The following LRRC37A variants were observed in gnomAD, a reference collection of about 807,000 sequenced individuals.
The protein encoded by LRRC37A is leucine-rich repeat-containing protein 37A.
Under a neutral mutation model 35.4 loss-of-function variants are expected in LRRC37A, and 3 were observed. The observed-to-expected ratio is 0.08, with a 90% CI of 0.04 to 0.22. LRRC37A has a LOEUF of 0.22. Among genes scored for constraint, LRRC37A ranks in the 10% least tolerant of loss-of-function variants. The pLI, the probability that LRRC37A is intolerant of heterozygous loss-of-function variation, is 1.00. For missense variants in LRRC37A, 67 were observed against 565.3 expected, an observed-to-expected ratio of 0.12 and a Z score of 8.94; for synonymous variants, 23 against 215.0, an observed-to-expected ratio of 0.11 and a Z score of 7.81.
chr17:46,261,710 G>A, the LRRC37A span, among the ~76,000 whole-genome samples: 1 of 150,692 alleles, frequency 6.6e-6, no homozygotes, highest in Non-Finnish European at 1.5e-5. Context: ...ATGGTGCCTG[G>A]CTATATTTGT....
At chr17:46,291,075 A>G (rs2143458703), upstream of LRRC37A, among the ~76,000 whole-genome samples, 1 of 152,358 alleles carries the variant, frequency 6.6e-6, no homozygotes. Flanking sequence ...CATAAAGTCA[A>G]AAGAGAAGCA....
the LRRC37A span, among the ~76,000 whole-genome samples, chr17:46,257,244 C>A: frequency 4.6e-5 from 7 of 151,690 alleles, no homozygotes; most frequent in Non-Finnish European, 1.0e-4. Flanking sequence ...GTCAGGAGTT[C>A]AAGACCAGAC....
chr17:46,278,790 C>CATTATTTTT, the LRRC37A span, among the ~76,000 whole-genome samples: 16,745 of 149,128 alleles, frequency 0.11, no homozygotes, highest in Non-Finnish European at 0.17. Flanking sequence ...AAACCAATGT[C>CATTATTTTT]ATTATTTTTA....
chr17:46,305,023 T>C lies in LRRC37A; in HGVS notation c.2754-486T>C, dbSNP rs1276695053. ...AGCTAGGACTACAGGCACGTGCCAC[T>C]AGGCCCGGCTAATTTTTTTTTTTTT... is the stretch of plus-strand genomic sequence containing the variant. On this transcript the variant is annotated intron_variant, in intron 3 of 13. Coordinates refer to ENST00000320254, the Ensembl canonical transcript of LRRC37A. 7.5e-4 allele frequency among the ~76,000 whole-genome samples: 60 copies of C among 80,094 alleles called. 4 individuals are homozygous for C. Among genetic ancestry groups the C allele is most frequent in the African/African-American group, 2.0e-3 (58 of 29,560 alleles). 52.5% of individuals were successfully genotyped at this position (80,094 alleles called of 152,430 possible). A position where few individuals can be genotyped will look rare whatever the true frequency, so the allele number is the denominator to read the frequency against.
the LRRC37A span, among the ~76,000 whole-genome samples, chr17:46,273,975 G>A: frequency 4.6e-5 from 7 of 152,192 alleles, no homozygotes; most frequent in Non-Finnish European, 4.4e-5. Context: ...TACCTTTTTC[G>A]TTAGTATGAT....
chr17:46,265,576 T>G, the LRRC37A span, among the ~76,000 whole-genome samples: 1 of 150,998 alleles, frequency 6.6e-6, no homozygotes, highest in Non-Finnish European at 1.5e-5. Context: ...CCTCCTAGGC[T>G]CAAGCGATCC....
chr17:46,275,654 T>C, the LRRC37A span, among the ~76,000 whole-genome samples: 1 of 152,358 alleles, frequency 6.6e-6, no homozygotes, highest in South Asian at 2.1e-4. Context: ...TATGTATGTA[T>C]ATATATTTGT....
At chr17:46,250,955 C>A in the LRRC37A span, among the ~76,000 whole-genome samples, 2 of 152,100 alleles carry the variant, frequency 1.3e-5, no homozygotes, top group East Asian at 1.9e-4. Flanking sequence ...AAAGGTTCTC[C>A]CTCTGTTGCC....
At chr17:46,291,669 C>G (rs1204842892), upstream of LRRC37A, among the ~76,000 whole-genome samples, 2 of 152,012 alleles carry the variant, frequency 1.3e-5, no homozygotes, top group African/African-American at 4.8e-5. Context: ...GCCTATAATC[C>G]CAGCACTTTG....
At chr17:46,281,984 A>T in the LRRC37A span, among the ~76,000 whole-genome samples, 9,988 of 139,790 alleles carry the variant, frequency 0.071, no homozygotes, top group Non-Finnish European at 0.11. Context: ...TTGGTCTATA[A>T]CCTGCTGCCT....
Position 46,304,900 on chromosome 17 carries a change from G to A in LRRC37A, c.2754-609G>A, listed in dbSNP as rs1235802272. The stretch of plus-strand genomic sequence containing the variant: ...GTTTGTTTGTTTGAGACGGAATCTC[G>A]CTCTGTCGCCCAGGCTGGAGTGCAG... On this transcript the variant is annotated intron_variant, in intron 3 of 13. Coordinates refer to ENST00000320254, the Ensembl canonical transcript of LRRC37A. Among the ~76,000 whole-genome samples the A allele has an allele frequency of 1.8e-4, 12 of 67,888 alleles. 1 individual carries two copies. Among genetic ancestry groups the A allele is most frequent in the African/African-American group, 3.5e-4 (10 of 28,612 alleles). The allele number at this position is 67,888 out of a possible 152,430, so 44.5% of individuals were successfully genotyped here. A position where few individuals can be genotyped will look rare whatever the true frequency, so the allele number is the denominator to read the frequency against.
At chr17:46,260,387 G>A in the LRRC37A span, 8 of 1,384,408 alleles carry the variant, frequency 5.8e-6, no homozygotes, top group Admixed American at 2.8e-5. Flanking sequence ...CCACGCGCTG[G>A]AACAGCAGGA....
chr17:46,292,016 T>G (rs1352241941), upstream of LRRC37A, among the ~76,000 whole-genome samples: 1 of 125,718 alleles, frequency 8.0e-6, no homozygotes, highest in Non-Finnish European at 1.7e-5. Flanking sequence ...CTAATCTGAA[T>G]TCACTCCAAA....
chr17:46,286,094 G>A, the LRRC37A span, among the ~76,000 whole-genome samples: 1 of 152,228 alleles, frequency 6.6e-6, no homozygotes, highest in Non-Finnish European at 1.5e-5. Flanking sequence ...TAAAAAATCT[G>A]CAAGATCCGA....
the LRRC37A span, among the ~76,000 whole-genome samples, chr17:46,269,332 G>A: frequency 3.9e-5 from 6 of 152,296 alleles, no homozygotes; most frequent in East Asian, 9.7e-4. Flanking sequence ...TCCGGAGTTC[G>A]AGACCAGGCT....
chr17:46,291,737 C>A (rs1010572207), upstream of LRRC37A, among the ~76,000 whole-genome samples: 3 of 151,660 alleles, frequency 2.0e-5, no homozygotes, highest in Admixed American at 6.6e-5. Context: ...CCAGCCTGGG[C>A]AACATGGCAA....
At chr17:46,275,286 A>T in the LRRC37A span, 1 of 602,818 alleles carries the variant, frequency 1.7e-6, no homozygotes, top group Non-Finnish European at 2.7e-6. Context: ...AAGTCTTGTC[A>T]GGATAGCCTC....
At chr17:46,315,404 G>A (rs2051028471) in intron 5 of LRRC37A, among the ~76,000 whole-genome samples, 1 of 132,898 alleles carries the variant, frequency 7.5e-6, no homozygotes, top group African/African-American at 2.8e-5. Flanking sequence ...GCACATGCCT[G>A]TAGTCACAGC....
upstream of LRRC37A, among the ~76,000 whole-genome samples, chr17:46,290,643 C>T (rs1245934842): frequency 7.9e-5 from 12 of 151,700 alleles, no homozygotes; most frequent in East Asian, 2.0e-4. Flanking sequence ...GACGGGGTTT[C>T]GCCCTGTTAG....
Sources: allele counts gnomAD v4.1 joint callset (sites outside exome capture counted in the v4.1 genomes callset), GRCh38; gene constraint gnomAD v4.1.1; transcripts MANE v1.5; gene names NCBI Gene and HGNC (gene_info 2026-07-23, HGNC 2026-07-21).